XDH: variants seen among roughly 807,000 people sequenced by gnomAD.
The protein encoded by XDH is xanthine dehydrogenase, also known as xanthine dehydrogenase/oxidase.
In XDH, 138 loss-of-function variants were observed where a neutral mutation model predicts 156.1. That is an observed-to-expected ratio of 0.88 (90% CI 0.77 to 1.02). The LOEUF is 1.02. Among genes scored for constraint, XDH ranks in the 50% least tolerant of loss-of-function variants. The pLI, the probability that XDH is intolerant of heterozygous loss-of-function variation, is 0.00. For synonymous variants in XDH, 669 were observed against 625.7 expected (o/e 1.07, Z -1.03); for missense variants, 1,849 against 1,684.9 (o/e 1.10, Z -1.71).
In XDH at chr2:31,350,038, T is replaced by C; in HGVS notation, c.2817A>G (p.Ala939=). 6.2e-7 allele frequency: 1 copy of C among 1,614,056 alleles called. No individual in the cohort carries two copies. The highest frequency in any genetic ancestry group is 8.5e-7 in the Non-Finnish European group (1 of 1,180,044). The change falls in exon 25 of 36, where the codon GCA becomes GCG. Residue 939 remains alanine (A), a synonymous_variant. Coordinates refer to ENST00000379416, the MANE Select transcript of XDH (RefSeq NM_000379.4). ...SEVAVTCGMP[A]EEVRRKNLYK... is the part of the protein sequence containing the mutation. ...TACCAAATTCTCAGCTTACCTCCTC[T>C]GCAGGCATCCCACAGGTCACTGCAA...
At chr2:31,400,112 C>T (rs1450410328) in intron 4 of XDH, among the ~76,000 whole-genome samples, 1 of 152,076 alleles carries the variant, frequency 6.6e-6, no homozygotes, top group African/African-American at 2.4e-5. Context: ...ATGACTGGCC[C>T]AAGATGCCAC....
At chr2:31,349,615 A>G in intron 26 of XDH, 71 bp downstream of exon 26, 6 of 1,341,768 alleles carry the variant, frequency 4.5e-6, no homozygotes, top group South Asian at 1.2e-5. Flanking sequence ...AGCTTCCTAT[A>G]TGGGGTCAGC....
intron 17 of XDH, among the ~76,000 whole-genome samples, chr2:31,371,657 T>C (rs546348316): frequency 2.8e-4 from 42 of 148,266 alleles, no homozygotes; most frequent in African/African-American, 1.1e-3. Flanking sequence ...CTGCCAACCA[T>C]GGGAACTTAA....
intron 29 of XDH, 120 bp downstream of exon 29, chr2:31,347,402 G>A: frequency 6.8e-7 from 1 of 1,468,920 alleles, no homozygotes; most frequent in Non-Finnish European, 9.3e-7. Flanking sequence ...AAGGGAGCCA[G>A]AGGCCTGGCC....
At chr2:31,363,820 ATATTAG>A (rs1685838996) in intron 24 of XDH, among the ~76,000 whole-genome samples, 1 of 152,084 alleles carries the variant, frequency 6.6e-6, no homozygotes, top group Non-Finnish European at 1.5e-5. Context: ...ATAGTAATAT[ATATTAG>A]TATTAGTTTA....
chr2:31,405,981 A>C lies in XDH; in HGVS notation c.43-17T>G, dbSNP rs1687182400. The stretch of plus-strand genomic sequence containing the variant: ...CTCCACCACCTATTAAAATAAATGA[A>C]AGAAAAATATATCATAGGTATACTT... On this transcript the variant is annotated splice_polypyrimidine_tract_variant and intron_variant, in intron 1 of 35. Transcript: ENST00000379416. 1 of 1,613,300 alleles carries C rather than the reference A, an allele frequency of 6.2e-7. No homozygotes were observed. The highest frequency in any genetic ancestry group is 8.5e-7 in the Non-Finnish European group (1 of 1,179,402).
At chr2:31,355,068 C>T (rs1412060545) in intron 24 of XDH, among the ~76,000 whole-genome samples, 1 of 152,052 alleles carries the variant, frequency 6.6e-6, no homozygotes, top group Non-Finnish European at 1.5e-5. Context: ...ATAGGGGGAG[C>T]CTAATTAGAA....
At chr2:31,375,220 G>T (rs868693079) in intron 15 of XDH, among the ~76,000 whole-genome samples, 160 bp downstream of exon 15, 2 of 151,844 alleles carry the variant, frequency 1.3e-5, no homozygotes, top group Non-Finnish European at 2.9e-5. Flanking sequence ...CTCTAAGCCA[G>T]CTGGTCACTC....
At chr2:31,344,341 G>T (rs1685222363) in intron 31 of XDH, among the ~76,000 whole-genome samples, 1 of 152,148 alleles carries the variant, frequency 6.6e-6, no homozygotes, top group African/African-American at 2.4e-5. Flanking sequence ...GAACACTGAG[G>T]GAGGAATGGT....
At chr2:31,350,368 CTTTTTTTTTTTT>C in intron 24 of XDH, 145 bp from the exon 25 acceptor site, 3 of 258,496 alleles carry the variant, frequency 1.2e-5, no homozygotes, top group Non-Finnish European at 2.0e-5. Flanking sequence ...GCAGCAGCAT[CTTTTTTTTTTTT>C]TTTTTTTTTT....
In XDH at chr2:31,343,162, C is replaced by G. The variant is rs1572510771; in HGVS notation, c.3405-865G>C. ...CTTTCACCATGCTCCTCTGCTTTGA[C>G]CTTTATAAAACCTTAGTTTCATGAA... On this transcript the variant is annotated intron_variant, in intron 31 of 35. Transcript: ENST00000379416. 2.0e-5 allele frequency among the ~76,000 whole-genome samples: 3 copies of G among 151,550 alleles called. No homozygotes were observed. The South Asian group carries it at 6.3e-4, about 32-fold the overall frequency.
In XDH at chr2:31,383,731, A is replaced by C. The variant is rs1686504661; in HGVS notation, c.886+24T>G. On this transcript the variant is annotated intron_variant, in intron 10 of 35. Coordinates refer to ENST00000379416, the MANE Select transcript of XDH (RefSeq NM_000379.4). ...TCCCCAGCCTCACAGCCCCTCCATA[A>C]GCTTGGAGTGAACCTCCTCTTACCG... The C allele has an allele frequency of 3.1e-6, 5 of 1,609,410 alleles. No individual in the cohort carries two copies. In the South Asian group the frequency reaches 3.3e-5, roughly 11 times the overall value.
intron 30 of XDH, 135 bp from the exon 31 acceptor site, chr2:31,344,871 T>C: frequency 1.2e-6 from 1 of 869,422 alleles, no homozygotes; most frequent in Non-Finnish European, 1.9e-6. Context: ...TTTCCATACC[T>C]TACCTTACAT....
rs746690860 is a variant in XDH, at chr2:31,366,006, A to C, written c.2426T>G (p.Val809Gly). Residue 809 changes from valine (V) to glycine (G), a missense_variant, in exon 22 of 36, where the codon GTG becomes GGG. Coordinates refer to ENST00000379416, the MANE Select transcript of XDH (RefSeq NM_000379.4). ...FGGKETRSTVVSTAVALAAYK... is the reference protein window; with the variant it reads ...FGGKETRSTVGSTAVALAAYK... ...TGCAGCCAGGGCCACTGCCGTGGAC[A>C]CCACAGTGCTCCGGGTCTCCTTGCC... 2.5e-6 allele frequency: 4 copies of C among 1,614,180 alleles called. No individual in the cohort carries two copies. The highest frequency in any genetic ancestry group is 2.5e-6 in the Non-Finnish European group (3 of 1,180,018).
Position 31,344,703 on chromosome 2 carries a change from AC to A in XDH, c.3384del (p.Leu1128PhefsTer36). ...ACTTACCTATAAAACCCAGTGGCAG[AC>A]AAGCTCACTGTGTCCATGTAGGCAG... ...VTAAYMDTVS[L>X]SATGFYRTPN... On this transcript the variant is annotated frameshift_variant, in exon 31 of 36. Transcript: ENST00000379416. LOFTEE classifies it high-confidence loss of function. 2 of 1,614,170 alleles carry A rather than the reference AC, an allele frequency of 1.2e-6. No homozygotes were observed. Among genetic ancestry groups the A allele is most frequent in the Non-Finnish European group, 1.7e-6 (2 of 1,180,040 alleles).
chr2:31,406,040 T>A, intron 1 of XDH, 76 bp from the exon 2 acceptor site: 1 of 1,486,226 alleles, frequency 6.7e-7, no homozygotes, highest in South Asian at 1.1e-5. Context: ...CTTCCTTCAG[T>A]GTCTCACTCA....
rs1311424919 is a variant in XDH at position 31,334,386 on chromosome 2, T to A, written c.*1572A>T. 1 of 152,124 alleles carries A rather than the reference T, an allele frequency of 6.6e-6. No homozygotes were observed. The highest frequency in any genetic ancestry group is 1.9e-4 in the East Asian group (1 of 5,192). 9.4% of individuals were successfully genotyped at this position (152,124 alleles called of 1,614,324 possible). On this transcript the variant is annotated 3_prime_UTR_variant, in exon 36 of 36. Transcript: ENST00000379416. The stretch of plus-strand genomic sequence containing the variant: ...TCCAACTATATCATTTCCACTATCC[T>A]CCCTCCATGGCCAGAACCACAGATT...
rs571418792 is a variant in XDH at position 31,348,332 on chromosome 2, C to A, written c.3083G>T (p.Gly1028Val). 1.2e-6 allele frequency: 2 copies of A among 1,614,172 alleles called. No individual in the cohort carries two copies. Among genetic ancestry groups the A allele is most frequent in the South Asian group, 2.2e-5 (2 of 91,082 alleles). Residue 1028 changes from glycine (G) to valine (V), a missense_variant, in exon 28 of 36, where the codon GGC (glycine) becomes GTC (valine). Coordinates refer to ENST00000379416, the MANE Select transcript of XDH (RefSeq NM_000379.4). ...AGALLHVYTD[G>V]SVLLTHGGTE... Reference sequence around the variant, plus strand: ...CCCCCCGTGGGTCAGCAGCACAGAGCCATCTGTGTACACATGAAGTAGGGC... The same window carrying A: ...CCCCCCGTGGGTCAGCAGCACAGAGACATCTGTGTACACATGAAGTAGGGC...
Position 31,347,542 on chromosome 2 carries a change from G to A in XDH, c.3256C>T (p.Leu1086Phe). Reference protein sequence around the residue: ...SPTAASVSADLNGQAVYAACQ... With the variant: ...SPTAASVSADFNGQAVYAACQ... ...CTTACATAGACGGCCTGTCCATTGA[G>A]GTCAGCGCTGACAGAGGCAGCCGTG... Residue 1086 changes from leucine to phenylalanine, a missense_variant, in exon 29 of 36, where the codon CTC becomes TTC. Physicochemically the swap from Leu to Phe is conservative, Grantham distance 22. Transcript: ENST00000379416. The A allele has an allele frequency of 6.2e-7, 1 of 1,614,060 alleles. No individual in the cohort carries two copies. The highest frequency in any genetic ancestry group is 8.5e-7 in the Non-Finnish European group (1 of 1,180,016).
Sources: allele counts gnomAD v4.1 joint callset (sites outside exome capture counted in the v4.1 genomes callset), GRCh38; gene constraint gnomAD v4.1.1; transcripts MANE v1.5; gene names NCBI Gene and HGNC (gene_info 2026-07-23, HGNC 2026-07-21).